Variants in EBF2 observed in about 807,000 individuals in gnomAD.
EBF2 encodes the protein EBF transcription factor 2, also known as transcription factor COE2.
Under a neutral mutation model 72.8 loss-of-function variants are expected in EBF2, and 21 were observed. That is an observed-to-expected ratio of 0.29 (90% confidence interval 0.20 to 0.42). The LOEUF (loss-of-function observed/expected upper bound fraction) is 0.42. Ranked by LOEUF, EBF2 falls within the 10% of genes least tolerant of loss-of-function variation. EBF2 has a pLI of 1.00. For missense variants in EBF2, 637 were observed against 731.2 expected, an observed-to-expected ratio of 0.87 and a Z score of 1.49; for synonymous variants, 299 against 274.2, an observed-to-expected ratio of 1.09 and a Z score of -0.89.
intron 6 of EBF2, among the ~76,000 whole-genome samples, chr8:25,911,433 G>A (rs1426937935): frequency 6.6e-6 from 1 of 152,152 alleles, no homozygotes; most frequent in African/African-American, 2.4e-5. Context: ...TCGGAAAGAG[G>A]AGTCAACATG....
chr8:25,927,497 T>G (rs1315406628), intron 6 of EBF2, among the ~76,000 whole-genome samples: 1 of 151,956 alleles, frequency 6.6e-6, no homozygotes, highest in Non-Finnish European at 1.5e-5. Context: ...AACAGGAAAT[T>G]TCCACTCTAG....
chr8:25,961,183 T>C (rs1460763222), intron 6 of EBF2, among the ~76,000 whole-genome samples: 1 of 152,174 alleles, frequency 6.6e-6, no homozygotes, highest in Non-Finnish European at 1.5e-5. Flanking sequence ...TAGAATGATA[T>C]AGTACATATC....
At chr8:25,979,945 T>C (rs1245793462) in intron 6 of EBF2, among the ~76,000 whole-genome samples, 9 of 152,102 alleles carry the variant, frequency 5.9e-5, no homozygotes, top group African/African-American at 2.2e-4. Flanking sequence ...AAATTGTGGT[T>C]AAATCATCTC....
At chr8:25,959,934 C>CA (rs1804010976) in intron 6 of EBF2, among the ~76,000 whole-genome samples, 1 of 152,208 alleles carries the variant, frequency 6.6e-6, no homozygotes, top group Non-Finnish European at 1.5e-5. Context: ...ACACCAACAG[C>CA]TCAGGGGCAT....
At chr8:25,850,253 C>T (rs1309209923) in intron 15 of EBF2, among the ~76,000 whole-genome samples, 1 of 152,170 alleles carries the variant, frequency 6.6e-6, no homozygotes, top group African/African-American at 2.4e-5. Flanking sequence ...GCTAGGATTA[C>T]AGGCACCCAC....
At position 25,858,396 on chromosome 8, in the gene EBF2, T is replaced by C; in HGVS notation, c.1451A>G (p.Asn484Ser). 1 of 1,614,168 alleles carries C rather than the reference T, an allele frequency of 6.2e-7. No homozygotes were observed. The highest frequency in any genetic ancestry group is 8.5e-7 in the Non-Finnish European group (1 of 1,180,030). ...AACACCCAAGTTGGCCATGGGGACATTGCTGTAGCCATTCATACTGTTGCT... is the reference window on the plus strand; with the variant it reads ...AACACCCAAGTTGGCCATGGGGACACTGCTGTAGCCATTCATACTGTTGCT... Reference protein sequence around the residue: ...TSSNSMNGYSNVPMANLGVPG... With the variant: ...TSSNSMNGYSSVPMANLGVPG... Residue 484 changes from asparagine (N) to serine (S), a missense_variant, in exon 14 of 16, where the codon AAT (asparagine) becomes AGT (serine). Asn to Ser is a conservative substitution (Grantham distance 46). Transcript: ENST00000520164.
chr8:25,929,312 C>T (rs1803441571), intron 6 of EBF2, among the ~76,000 whole-genome samples: 1 of 152,210 alleles, frequency 6.6e-6, no homozygotes, highest in Non-Finnish European at 1.5e-5. Flanking sequence ...CCACAGTTTG[C>T]TTGTTTAAAA....
rs561346561 is a variant in EBF2, at chr8:25,971,482, G to A, written c.551+61603C>T. Among the ~76,000 whole-genome samples the A allele has an allele frequency of 1.5e-4, 23 of 152,238 alleles. No homozygotes were observed. In the South Asian group the frequency reaches 3.9e-3, roughly 26 times the overall value. Reference sequence around the variant, plus strand: ...AAAAAAGACCTCAAGAATTGCCCAGGGCAAGAGCCAAGCACCGCGCTCTGG... The same window carrying A: ...AAAAAAGACCTCAAGAATTGCCCAGAGCAAGAGCCAAGCACCGCGCTCTGG... On this transcript the variant is annotated intron_variant, in intron 6 of 15. Transcript: ENST00000520164.
At chr8:26,043,199 C>A (rs1315701135) in intron 1 of EBF2, among the ~76,000 whole-genome samples, 1 of 152,240 alleles carries the variant, frequency 6.6e-6, no homozygotes, top group Non-Finnish European at 1.5e-5. Context: ...CCCACCTGGC[C>A]ATCAGATCCC....
chr8:25,896,749 C>T (rs904736810), intron 7 of EBF2, among the ~76,000 whole-genome samples: 1 of 152,132 alleles, frequency 6.6e-6, no homozygotes, highest in Non-Finnish European at 1.5e-5. Flanking sequence ...AAATACACGT[C>T]GGGTTTTTAC....
At chr8:26,002,944 G>A (rs12679882) in intron 6 of EBF2, among the ~76,000 whole-genome samples, 237 of 14,130 alleles carry the variant, frequency 0.017, 5 homozygotes, top group African/African-American at 0.039. Context: ...GCAGGCAGGC[G>A]GGCGGGCAGG....
In EBF2 at chr8:25,948,265, A is replaced by G. The variant is rs114129678; in HGVS notation, c.552-39710T>C. 5.8e-3 allele frequency among the ~76,000 whole-genome samples: 880 copies of G among 152,312 alleles called. 16 individuals carry two copies. Among genetic ancestry groups the G allele is most frequent in the African/African-American group, 0.02 (849 of 41,572 alleles). On this transcript the variant is annotated intron_variant, in intron 6 of 15. Coordinates refer to ENST00000520164, the MANE Select transcript of EBF2 (RefSeq NM_022659.4). The stretch of plus-strand genomic sequence containing the variant: ...CTGCCGCATACCTCCACCCCAGCGC[A>G]AGGGCTCTGTGGATGAATGAAAACT...
intron 6 of EBF2, among the ~76,000 whole-genome samples, chr8:25,945,701 T>C (rs985367540): frequency 6.6e-6 from 1 of 151,738 alleles, no homozygotes; most frequent in Non-Finnish European, 1.5e-5. Context: ...GAATAATAGG[T>C]CTGTCACTGA....
chr8:26,004,656 C>T (rs1460785520), intron 6 of EBF2, among the ~76,000 whole-genome samples: 3 of 90,922 alleles, frequency 3.3e-5, no homozygotes, highest in Non-Finnish European at 5.8e-5. Flanking sequence ...GCCTGGGTGA[C>T]ATAGCAAGAC....
intron 11 of EBF2, among the ~76,000 whole-genome samples, chr8:25,861,835 A>G (rs954468040): frequency 6.6e-6 from 1 of 152,212 alleles, no homozygotes; most frequent in African/African-American, 2.4e-5. Context: ...ATTTTATTCT[A>G]ATAAAGATGA....
chr8:25,999,460 T>C (rs1804686274), intron 6 of EBF2, among the ~76,000 whole-genome samples: 1 of 152,230 alleles, frequency 6.6e-6, no homozygotes, highest in Non-Finnish European at 1.5e-5. Context: ...ACGAATGCCC[T>C]GTTTACCTCC....
intron 6 of EBF2, among the ~76,000 whole-genome samples, chr8:26,006,266 A>C (rs1199393288): frequency 6.6e-6 from 1 of 152,204 alleles, no homozygotes; most frequent in Non-Finnish European, 1.5e-5. Context: ...TGCTTCCTGC[A>C]TGCACATATG....
intron 10 of EBF2, among the ~76,000 whole-genome samples, chr8:25,874,725 G>T (rs375133881): frequency 6.6e-6 from 1 of 151,450 alleles, no homozygotes; most frequent in Non-Finnish European, 1.5e-5. Context: ...TCCCTCTGTC[G>T]CCCAGGCTGG....
chr8:25,885,061 T>C (rs748819226), intron 10 of EBF2, among the ~76,000 whole-genome samples: 8 of 152,192 alleles, frequency 5.3e-5, no homozygotes, highest in Non-Finnish European at 1.0e-4. Flanking sequence ...TCTTCCTGCT[T>C]CTGGTTGTTC....
Sources: allele counts gnomAD v4.1 joint callset (sites outside exome capture counted in the v4.1 genomes callset), GRCh38; gene constraint gnomAD v4.1.1; transcripts MANE v1.5; gene names NCBI Gene and HGNC (gene_info 2026-07-23, HGNC 2026-07-21).